EHD1: variants seen among roughly 807,000 people sequenced by gnomAD.
EHD1 encodes EH domain containing 1.
Under a neutral mutation model 39.0 loss-of-function variants are expected in EHD1, and 19 were observed. The ratio of observed to expected loss-of-function variants is 0.49; its 90% CI spans 0.34 to 0.72. The LOEUF (loss-of-function observed/expected upper bound fraction) is 0.72. Among genes scored for constraint, EHD1 ranks in the 30% least tolerant of loss-of-function variants. The pLI is 0.01. For synonymous variants in EHD1, 323 were observed against 331.2 expected (o/e 0.98, Z 0.27); for missense variants, 542 against 751.5 (o/e 0.72, Z 3.26).
At position 64,860,288 on chromosome 11, in the gene EHD1, C is replaced by T. The variant is rs747628133; in HGVS notation, c.551G>A (p.Arg184His). 30 of 1,613,738 alleles carry T rather than the reference C, an allele frequency of 1.9e-5. No individual in the cohort carries two copies. Among genetic ancestry groups the T allele is most frequent in the Non-Finnish European group, 1.9e-5 (23 of 1,180,014 alleles). ...VLEWFAERVD[R>H]IILLFDAHKL... is the part of the protein sequence containing the mutation. Reference sequence around the variant, plus strand: ...GTGGGCGTCGAAGAGCAGGATGATGCGGTCCACACGCTCCGCGAACCACTC... The same window carrying T: ...GTGGGCGTCGAAGAGCAGGATGATGTGGTCCACACGCTCCGCGAACCACTC... Residue 184 changes from arginine (R) to histidine (H), a missense_variant, in exon 3 of 5, where the codon CGC becomes CAC. By Grantham distance (29) the Arg-to-His change is conservative. Coordinates refer to ENST00000320631, the MANE Select transcript of EHD1 (RefSeq NM_006795.4).
In EHD1 at chr11:64,878,155, G is replaced by T; in HGVS notation, c.310C>A (p.Pro104Thr). The change falls in exon 1 of 5, where the codon CCC becomes ACC. Residue 104 changes from proline to threonine, a missense_variant. Physicochemically the swap from Pro to Thr is conservative, Grantham distance 38 (BLOSUM62 -1). Coordinates refer to ENST00000320631, the MANE Select transcript of EHD1 (RefSeq NM_006795.4). Reference sequence around the variant, plus strand: ...TTGCCCGGCACCACGCCCTCAGTGGGGCCGTGCATGACGGCGATGAAGGAG... The same window carrying T: ...TTGCCCGGCACCACGCCCTCAGTGGTGCCGTGCATGACGGCGATGAAGGAG... ...TDSFIAVMHG[P>T]TEGVVPGNAL... 1 of 1,599,644 alleles carries T rather than the reference G, an allele frequency of 6.3e-7. No individual in the cohort carries two copies. The highest frequency in any genetic ancestry group is 8.6e-7 in the Non-Finnish European group (1 of 1,168,934).
chr11:64,854,989 A>G, intron 4 of EHD1, 132 bp from the exon 5 acceptor site: 9 of 1,193,752 alleles, frequency 7.5e-6, no homozygotes, highest in Non-Finnish European at 1.1e-5. Flanking sequence ...ACTCGGCAAA[A>G]CCATCTGGCC....
Position 64,860,097 on chromosome 11 carries a change from CG to C in EHD1, c.741del (p.Glu248ArgfsTer50), listed in dbSNP as rs774171970. ...GAGCCGATGTAGACCCTGACCACCT[CG>C]GGGGTGTTGATGATCTTGCCCAGGG... ...MWSLGKIINT[P>X]EVVRVYIGSF... On this transcript the variant is annotated frameshift_variant, in exon 3 of 5. Transcript: ENST00000320631. LOFTEE classifies it high-confidence loss of function. 1 of 1,614,130 alleles carries C rather than the reference CG, an allele frequency of 6.2e-7. No individual in the cohort carries two copies. The highest frequency in any genetic ancestry group is 8.5e-7 in the Non-Finnish European group (1 of 1,180,028).
At chr11:64,876,663 A>AG (rs1943888393) in intron 1 of EHD1, among the ~76,000 whole-genome samples, 1 of 152,254 alleles carries the variant, frequency 6.6e-6, no homozygotes, top group African/African-American at 2.4e-5. Flanking sequence ...TGAACCAGTC[A>AG]GGTGGGGGCT....
chr11:64,879,201 C>A, upstream of EHD1: 1 of 1,077,352 alleles, frequency 9.3e-7, no homozygotes, highest in Non-Finnish European at 1.1e-6. Context: ...GCAGAGCAAG[C>A]TGAGGGAGTA....
At chr11:64,873,443 C>G (rs1943851029) in intron 2 of EHD1, among the ~76,000 whole-genome samples, 1 of 152,170 alleles carries the variant, frequency 6.6e-6, no homozygotes, top group Admixed American at 6.5e-5. Context: ...GGGGCTTGTT[C>G]AGAGTCAGCA....
chr11:64,858,373 T>G (rs1178999478), intron 3 of EHD1, among the ~76,000 whole-genome samples: 2 of 151,254 alleles, frequency 1.3e-5, no homozygotes, highest in African/African-American at 4.9e-5. Flanking sequence ...TTAGTAGAGA[T>G]GGGGTTTTGC....
rs1943622316 is a variant in EHD1 at position 64,854,458 on chromosome 11, C to T, written c.1480G>A (p.Gly494Arg). The T allele has an allele frequency of 4.3e-6, 7 of 1,614,142 alleles. No homozygotes were observed. The highest frequency in any genetic ancestry group is 2.2e-5 in the South Asian group (2 of 91,086). The change falls in exon 5 of 5, where the codon GGG (glycine) becomes AGG (arginine). Residue 494 changes from glycine (G) to arginine (R), a missense_variant. Physicochemically the swap from Gly to Arg is moderately radical, Grantham distance 125. Transcript: ENST00000320631. ...GCGAACTCCTCGTCGTCCAGCAGCC[C>T]GTCCTTGTCCACGTCGGCCAGCTTC... is the stretch of plus-strand genomic sequence containing the variant. Reference protein sequence around the residue: ...IWKLADVDKDGLLDDEEFALA... With the variant: ...IWKLADVDKDRLLDDEEFALA...
chr11:64,866,818 A>T (rs1448302172), intron 2 of EHD1, among the ~76,000 whole-genome samples: 3 of 152,148 alleles, frequency 2.0e-5, no homozygotes, highest in African/African-American at 7.2e-5. Flanking sequence ...CTGAACCTAA[A>T]AGTTTTTTTA....
rs192033077 is a variant in EHD1, at chr11:64,869,510, C to A, written c.502+4911G>T. ...GGCTTTTCAATCTCTTGACTATGAA[C>A]CAGCTGACACTTGAACACTTAACTG... On this transcript the variant is annotated intron_variant, in intron 2 of 4. Transcript: ENST00000320631. Among the ~76,000 whole-genome samples the A allele has an allele frequency of 5.3e-5, 8 of 152,370 alleles. No individual in the cohort carries two copies. In the East Asian group the frequency reaches 1.5e-3, roughly 29 times the overall value.
At chr11:64,865,985 G>C (rs914777503) in intron 2 of EHD1, among the ~76,000 whole-genome samples, 1 of 152,116 alleles carries the variant, frequency 6.6e-6, no homozygotes. Context: ...ACTACCATTC[G>C]ACTCAGCAAT....
At chr11:64,873,559 AC>A in intron 2 of EHD1, among the ~76,000 whole-genome samples, 1 of 152,058 alleles carries the variant, frequency 6.6e-6, no homozygotes, top group East Asian at 1.9e-4. Flanking sequence ...CTGTGGTCTC[AC>A]CATGGCTGCT....
intron 3 of EHD1, among the ~76,000 whole-genome samples, chr11:64,857,495 G>A (rs775682797): frequency 2.6e-5 from 4 of 152,120 alleles, no homozygotes; most frequent in African/African-American, 4.8e-5. Flanking sequence ...CTCCAGAGCC[G>A]GCATCTGACC....
At chr11:64,879,580 T>G, upstream of EHD1, 1 of 1,550,858 alleles carries the variant, frequency 6.4e-7, no homozygotes, top group Non-Finnish European at 8.7e-7. Flanking sequence ...TTTACCATCA[T>G]TTACTGGGAT....
intron 4 of EHD1, 197 bp from the exon 5 acceptor site, chr11:64,855,054 T>C: frequency 5.9e-6 from 5 of 843,722 alleles, no homozygotes; most frequent in Admixed American, 2.9e-5. Flanking sequence ...CTTGCAGGGC[T>C]GCGGCAAGGA....
intron 4 of EHD1, 142 bp downstream of exon 4, chr11:64,855,179 TG>T: frequency 7.9e-7 from 1 of 1,268,666 alleles, no homozygotes; most frequent in East Asian, 2.5e-5. Flanking sequence ...CTGAGTTGGG[TG>T]GGGTGCTGGT....
intron 2 of EHD1, among the ~76,000 whole-genome samples, chr11:64,867,890 G>T (rs1008721070): frequency 6.6e-6 from 1 of 152,252 alleles, no homozygotes; most frequent in Non-Finnish European, 1.5e-5. Context: ...TCAGGGTAGC[G>T]TGCACGCAGG....
chr11:64,874,492 G>A lies in EHD1; in HGVS notation c.431C>T (p.Pro144Leu). 1 of 1,610,182 alleles carries A rather than the reference G, an allele frequency of 6.2e-7. No individual in the cohort carries two copies. The highest frequency in any genetic ancestry group is 8.5e-7 in the Non-Finnish European group (1 of 1,178,606). The part of the protein sequence containing the change: ...NRFMCAQLPN[P>L]VLDSISIIDT... ...GATGATGCTGATGCTGTCCAGGACG[G>A]GGTTGGGCAGCTGGGCACACATGAA... The change falls in exon 2 of 5, where the codon CCC becomes CTC. Residue 144 changes from proline to leucine, a missense_variant. Physicochemically the swap from Pro to Leu is moderately conservative, Grantham distance 98. Coordinates refer to ENST00000320631, the MANE Select transcript of EHD1 (RefSeq NM_006795.4).
rs765192562 is a variant in EHD1 at position 64,878,287 on chromosome 11, T to G, written c.178A>C (p.Met60Leu). ...CTGTACTGCCCCACGAGGAGCACCA[T>G]AGGCTTGTTGTCGAAGTCAGCGTCC... The part of the protein sequence containing the change: ...LEDADFDNKP[M>L]VLLVGQYSTG... Residue 60 changes from methionine (M) to leucine (L), a missense_variant, in exon 1 of 5, where the codon ATG (methionine) becomes CTG (leucine). Physicochemically the swap from Met to Leu is conservative, Grantham distance 15. Coordinates refer to ENST00000320631, the MANE Select transcript of EHD1 (RefSeq NM_006795.4). 8.7e-6 allele frequency: 14 copies of G among 1,614,042 alleles called. No individual in the cohort carries two copies. In the African/African-American group the frequency reaches 1.3e-4, roughly 15 times the overall value.
Sources: allele counts gnomAD v4.1 joint callset (sites outside exome capture counted in the v4.1 genomes callset), GRCh38; gene constraint gnomAD v4.1.1; transcripts MANE v1.5; gene names NCBI Gene and HGNC (gene_info 2026-07-23, HGNC 2026-07-21).